Variants in PGBD1 observed in about 807,000 individuals in gnomAD.
PGBD1 encodes piggyBac transposable element-derived protein 1.
Under a neutral mutation model 34.7 loss-of-function variants are expected in PGBD1, and 25 were observed. That is an observed-to-expected ratio of 0.72 (90% confidence interval 0.52 to 1.00). The LOEUF is 1.00. PGBD1 is among the 50% of genes least tolerant of loss of function. The pLI is 0.00. For missense variants in PGBD1, 830 were observed against 959.4 expected, an observed-to-expected ratio of 0.87 and a Z score of 1.78; for synonymous variants, 292 against 335.7, an observed-to-expected ratio of 0.87 and a Z score of 1.42.
In PGBD1 at chr6:28,301,987, C is replaced by T. The variant is rs527313873; in HGVS notation, c.2133C>T (p.Ser711=). ...AVGIEPVNEV[S]CCDADNEEIP... is the part of the protein sequence containing the mutation. ...GCATAGAACCAGTCAATGAGGTAAG[C>T]TGTTGTGATGCTGATAACGAAGAAA... Residue 711 remains serine, a synonymous_variant, in exon 7 of 7, where the codon AGC becomes AGT. Transcript: ENST00000682144. The T allele has an allele frequency of 6.2e-7, 1 of 1,614,162 alleles. No individual in the cohort carries two copies. Among genetic ancestry groups the T allele is most frequent in the South Asian group, 1.1e-5 (1 of 91,082 alleles).
rs1762797721 is a variant in PGBD1 at position 28,300,628 on chromosome 6, C to T, written c.870-96C>T. Reference sequence around the variant, plus strand: ...ATAAGTAAGTATCCCCCCACACCCACCCCAAGCCCCAAAAGATTTAAGCTT... The same window carrying T: ...ATAAGTAAGTATCCCCCCACACCCATCCCAAGCCCCAAAAGATTTAAGCTT... On this transcript the variant is annotated intron_variant, in intron 6 of 6. Coordinates refer to ENST00000682144, the MANE Select transcript of PGBD1 (RefSeq NM_032507.4). This position sits in a 1 kb window ranked among gnomAD's most constrained non-coding sequence, Gnocchi z 4.0. The T allele has an allele frequency of 7.2e-7, 1 of 1,384,588 alleles. No individual in the cohort carries two copies. Among genetic ancestry groups the T allele is most frequent in the Non-Finnish European group, 9.8e-7 (1 of 1,025,508 alleles). The allele number at this position is 1,384,588 out of a possible 1,614,324, so 85.8% of individuals were successfully genotyped here. A position where few individuals can be genotyped will look rare whatever the true frequency, so the allele number is the denominator to read the frequency against.
At chr6:28,284,624 C>T (rs145412569) in intron 2 of PGBD1, among the ~76,000 whole-genome samples, 130 of 152,304 alleles carry the variant, frequency 8.5e-4, no homozygotes, top group African/African-American at 3.1e-3. Flanking sequence ...AAGCAATCCT[C>T]CCACCTCAGG....
chr6:28,282,838 A>G (rs1762169641), intron 1 of PGBD1, among the ~76,000 whole-genome samples: 5 of 152,360 alleles, frequency 3.3e-5, no homozygotes, highest in Non-Finnish European at 5.9e-5. Context: ...TCTTCTTGGA[A>G]CAGAGATATA....
At chr6:28,290,087 C>G (rs1429102722) in intron 4 of PGBD1, among the ~76,000 whole-genome samples, 1 of 151,994 alleles carries the variant, frequency 6.6e-6, no homozygotes, top group Non-Finnish European at 1.5e-5. Context: ...ATCACTTAGC[C>G]ACAGAGGTTT....
At chr6:28,296,160 A>C (rs149965220) in intron 4 of PGBD1, among the ~76,000 whole-genome samples, 88 of 152,354 alleles carry the variant, frequency 5.8e-4, no homozygotes, top group African/African-American at 2.0e-3. Context: ...ACATATCATT[A>C]CTAGCTTTGA....
intron 3 of PGBD1, among the ~76,000 whole-genome samples, chr6:28,285,989 A>G (rs907803535): frequency 1.3e-5 from 2 of 152,210 alleles, no homozygotes; most frequent in African/African-American, 4.8e-5. Context: ...CCCTGTGACC[A>G]ACATCAAGTT....
At chr6:28,283,691 G>A in intron 1 of PGBD1, 85 bp from the exon 2 acceptor site, 1 of 1,255,478 alleles carries the variant, frequency 8.0e-7, no homozygotes, top group Non-Finnish European at 1.1e-6. Context: ...AAAAATGTAA[G>A]TAGGTTACAT....
At position 28,301,044 on chromosome 6, in the gene PGBD1, C is replaced by A; in HGVS notation, c.1190C>A (p.Pro397His). The A allele has an allele frequency of 6.2e-7, 1 of 1,614,058 alleles. No individual in the cohort carries two copies. The highest frequency in any genetic ancestry group is 1.1e-5 in the South Asian group (1 of 91,080). The change falls in exon 7 of 7, where the codon CCC (proline) becomes CAC (histidine). Residue 397 changes from proline to histidine, a missense_variant. Coordinates refer to ENST00000682144, the MANE Select transcript of PGBD1 (RefSeq NM_032507.4). The stretch of plus-strand genomic sequence containing the variant: ...AGTTGGACCAAAAGAGACATTAAAC[C>A]CAATTTTCCAAGCTGGTCAGCACTG... ...EKSWTKRDIK[P>H]NFPSWSALDS...
chr6:28,299,292 G>T (rs1056918072), intron 6 of PGBD1, among the ~76,000 whole-genome samples: 1 of 152,110 alleles, frequency 6.6e-6, no homozygotes, highest in African/African-American at 2.4e-5. Context: ...CTTAACCATG[G>T]TATCAAAGGT....
In PGBD1 at chr6:28,300,789, A is replaced by G; in HGVS notation, c.935A>G (p.Asn312Ser). The change falls in exon 7 of 7, where the codon AAC (asparagine) becomes AGC (serine). Residue 312 changes from asparagine to serine, a missense_variant. By Grantham distance (46) the Asn-to-Ser change is conservative (BLOSUM62 1). Coordinates refer to ENST00000682144, the MANE Select transcript of PGBD1 (RefSeq NM_032507.4). The surrounding 1 kb of genome is among the most constrained non-coding windows in gnomAD (Gnocchi z 4.0). Reference sequence around the variant, plus strand: ...ACTGAAAGGACAGTTGCACATTTGAACACTCTGAAGGACCGTCACCCAGGT... The same window carrying G: ...ACTGAAAGGACAGTTGCACATTTGAGCACTCTGAAGGACCGTCACCCAGGT... ...IATERTVAHL[N>S]TLKDRHPGDL... The G allele has an allele frequency of 1.9e-6, 3 of 1,614,052 alleles. No homozygotes were observed. The highest frequency in any genetic ancestry group is 2.5e-6 in the Non-Finnish European group (3 of 1,180,014).
intron 1 of PGBD1, among the ~76,000 whole-genome samples, chr6:28,283,260 G>A (rs1164770311): frequency 6.6e-6 from 1 of 152,182 alleles, no homozygotes; most frequent in African/African-American, 2.4e-5. Context: ...GTCAAAGCAA[G>A]TCATAGGCCA....
chr6:28,287,575 C>G (rs975509983), intron 4 of PGBD1, among the ~76,000 whole-genome samples: 1 of 152,090 alleles, frequency 6.6e-6, no homozygotes, highest in Non-Finnish European at 1.5e-5. Flanking sequence ...GCAATTAATG[C>G]TTGGTGATAA....
In PGBD1 at chr6:28,285,615, T is replaced by G. The variant is rs936304493; in HGVS notation, c.461T>G (p.Leu154Trp). The change falls in exon 3 of 7, where the codon TTG becomes TGG. Residue 154 changes from leucine (L) to tryptophan (W), a missense_variant. Leu to Trp is a moderately conservative substitution (Grantham distance 61, BLOSUM62 -2). This residue lies in a region of PGBD1 where 457 missense variants were observed against 515.4 expected (regional missense o/e 0.89). Coordinates refer to ENST00000682144, the MANE Select transcript of PGBD1 (RefSeq NM_032507.4). ...PMVAEYQGVSLECQSLQLLPG... is the reference protein window; with the variant it reads ...PMVAEYQGVSWECQSLQLLPG... ...GTGGCAGAATATCAAGGAGTCTCTTTGGAGTGTCAGAGCCTCCAGCTCCTG... is the reference window on the plus strand; with the variant it reads ...GTGGCAGAATATCAAGGAGTCTCTTGGGAGTGTCAGAGCCTCCAGCTCCTG... The G allele has an allele frequency of 5.6e-6, 9 of 1,614,040 alleles. No homozygotes were observed. Among genetic ancestry groups the G allele is most frequent in the Non-Finnish European group, 6.8e-6 (8 of 1,179,984 alleles).
At chr6:28,297,439 C>T (rs759037829) in intron 5 of PGBD1, among the ~76,000 whole-genome samples, 2 of 152,092 alleles carry the variant, frequency 1.3e-5, no homozygotes, top group Admixed American at 6.5e-5. Flanking sequence ...CATAGTGGCA[C>T]GATGATAGTT....
intron 4 of PGBD1, among the ~76,000 whole-genome samples, chr6:28,294,852 A>G (rs900302241): frequency 6.6e-6 from 1 of 152,214 alleles, no homozygotes; most frequent in Non-Finnish European, 1.5e-5. Context: ...AATACAATAC[A>G]CATTCTGTAG....
At chr6:28,284,262 C>T in intron 2 of PGBD1, 53 bp downstream of exon 2, 4 of 1,444,676 alleles carry the variant, frequency 2.8e-6, no homozygotes, top group African/African-American at 1.4e-5. Flanking sequence ...GGACATGTAT[C>T]GGTTTATTTT....
intron 4 of PGBD1, among the ~76,000 whole-genome samples, chr6:28,292,835 T>C (rs985701718): frequency 6.6e-6 from 1 of 152,176 alleles, no homozygotes; most frequent in Non-Finnish European, 1.5e-5. Flanking sequence ...GGCAAAGATT[T>C]GTATAACACA....
rs139240444 is a variant in PGBD1 at position 28,295,591 on chromosome 6, A to G, written c.643-1225A>G. Among the ~76,000 whole-genome samples, 495 of 152,340 alleles carry G rather than the reference A, an allele frequency of 3.2e-3. 4 individuals carry two copies. Among genetic ancestry groups the G allele is most frequent in the Non-Finnish European group, 5.9e-3 (402 of 68,026 alleles). On this transcript the variant is annotated intron_variant, in intron 4 of 6. Coordinates refer to ENST00000682144, the MANE Select transcript of PGBD1 (RefSeq NM_032507.4). Reference sequence around the variant, plus strand: ...GCAGGAAGCCCCTCTACCAGCAAAAAGATCACAACTCTCTGAAGGCTCAGA... The same window carrying G: ...GCAGGAAGCCCCTCTACCAGCAAAAGGATCACAACTCTCTGAAGGCTCAGA...
intron 4 of PGBD1, among the ~76,000 whole-genome samples, chr6:28,292,173 G>A (rs1344819674): frequency 6.6e-6 from 1 of 152,012 alleles, no homozygotes; most frequent in Non-Finnish European, 1.5e-5. Context: ...CTTATACCTC[G>A]AAAAACCTGA....
Sources: allele counts gnomAD v4.1 joint callset (sites outside exome capture counted in the v4.1 genomes callset), GRCh38; gene constraint gnomAD v4.1.1; regional missense constraint gnomAD v4.1.1; non-coding constraint Gnocchi (gnomAD v3.1); transcripts MANE v1.5; gene names NCBI Gene and HGNC (gene_info 2026-07-23, HGNC 2026-07-21).